The following KLC2 variants were observed in gnomAD, a reference collection of about 807,000 sequenced individuals.
The protein encoded by KLC2 is kinesin light chain 2.
A neutral mutation model predicts 75.1 loss-of-function variants in KLC2; 35 were observed. The ratio of observed to expected loss-of-function variants is 0.47; its 90% CI spans 0.36 to 0.62. KLC2 has a LOEUF of 0.62. Among genes scored for constraint, KLC2 ranks in the 20% least tolerant of loss-of-function variants. KLC2 has a pLI of 0.00. For missense variants in KLC2, 611 were observed against 833.2 expected (o/e 0.73, Z 3.28); for synonymous variants, 314 against 336.7 (o/e 0.93, Z 0.74).
intron 4 of KLC2, 35 bp downstream of exon 4, chr11:66,262,227 A>C (rs201422678): frequency 6.4e-7 from 1 of 1,565,034 alleles, no homozygotes; most frequent in African/African-American, 1.4e-5. Flanking sequence ...GGGGAAGGAA[A>C]GGTTGTGTGA....
upstream of KLC2, among the ~76,000 whole-genome samples, chr11:66,254,664 T>TAAAA (rs34541214): frequency 1.9e-5 from 2 of 107,846 alleles, no homozygotes; most frequent in African/African-American, 3.7e-5. Flanking sequence ...CCTCGGCTCT[T>TAAAA]AAAAAAAAAA....
intron 5 of KLC2, among the ~76,000 whole-genome samples, chr11:66,263,385 G>A (rs972179613): frequency 5.3e-5 from 8 of 152,244 alleles, no homozygotes; most frequent in African/African-American, 1.9e-4. Context: ...AGCAGGACAC[G>A]CTAAAGGGGC....
At chr11:66,244,235 C>G in the KLC2 span, 3 of 152,468 alleles carry the variant, frequency 2.0e-5, no homozygotes, top group African/African-American at 7.2e-5. Context: ...CATTCTGTTT[C>G]ATCTCCCATT....
intron 15 of KLC2, 108 bp from the exon 16 acceptor site, chr11:66,266,765 C>A: frequency 8.4e-7 from 1 of 1,186,210 alleles, no homozygotes; most frequent in Non-Finnish European, 1.3e-6. Flanking sequence ...ATTGCCTCTG[C>A]CCAGCTCAGG....
At chr11:66,246,751 C>T in the KLC2 span, among the ~76,000 whole-genome samples, 2 of 152,230 alleles carry the variant, frequency 1.3e-5, no homozygotes, top group African/African-American at 4.8e-5. Flanking sequence ...CACAATCCCA[C>T]CAAAAGTTTC....
At chr11:66,253,451 G>T (rs900079265), upstream of KLC2, among the ~76,000 whole-genome samples, 2 of 152,208 alleles carry the variant, frequency 1.3e-5, no homozygotes, top group African/African-American at 4.8e-5. Flanking sequence ...TTTCAGGGAG[G>T]AAACAGTAAT....
chr11:66,265,347 C>T, intron 11 of KLC2, 112 bp downstream of exon 11: 1 of 922,342 alleles, frequency 1.1e-6, no homozygotes, highest in Non-Finnish European at 1.7e-6. Flanking sequence ...CAAGGCCCAA[C>T]TCACAGGTCA....
chr11:66,263,782 C>T, intron 6 of KLC2, 35 bp downstream of exon 6: 1 of 1,602,650 alleles, frequency 6.2e-7, no homozygotes, highest in South Asian at 1.1e-5. Flanking sequence ...GGGGGCTGTG[C>T]CCCATCCCCT....
intron 9 of KLC2, 117 bp downstream of exon 9, chr11:66,264,561 C>G: frequency 1.3e-6 from 1 of 757,002 alleles, no homozygotes; most frequent in Non-Finnish European, 2.3e-6. Flanking sequence ...TGGCTGGTCA[C>G]CAGCCTCACC....
chr11:66,250,969 G>A, the KLC2 span, among the ~76,000 whole-genome samples: 15 of 152,210 alleles, frequency 9.9e-5, no homozygotes, highest in Non-Finnish European at 1.9e-4. Context: ...CTGGCGAAGG[G>A]ACCTAGGCAG....
At chr11:66,252,900 G>T (rs1392822714), upstream of KLC2, among the ~76,000 whole-genome samples, 3 of 152,058 alleles carry the variant, frequency 2.0e-5, no homozygotes, top group Non-Finnish European at 2.9e-5. Context: ...CCAACAACTA[G>T]TGGTGTCCAA....
chr11:66,258,281 C>G, intron 1 of KLC2: 1 of 395,238 alleles, frequency 2.5e-6, no homozygotes, highest in Non-Finnish European at 4.7e-6. Context: ...CCCCACGTTC[C>G]CCATACCTGT....
Position 66,265,781 on chromosome 11 carries a change from A to AG in KLC2, c.1443+23dup, listed in dbSNP as rs1856779391. ...GCAAGCAGGTGGGGCTCCATGCAGG[A>AG]GGGGGTGGGCAGACACCTGTGTGGC... On this transcript the variant is annotated intron_variant, in intron 12 of 15. Transcript: ENST00000394067. The AG allele has an allele frequency of 2.5e-6, 4 of 1,611,192 alleles. No individual in the cohort carries two copies. In the East Asian group the frequency reaches 8.9e-5, roughly 36 times the overall value.
At chr11:66,256,050 G>A (rs1030953197), upstream of KLC2, among the ~76,000 whole-genome samples, 2 of 152,072 alleles carry the variant, frequency 1.3e-5, no homozygotes, top group Non-Finnish European at 2.9e-5. Flanking sequence ...ACAGGTGTGA[G>A]CCACTGAGCC....
rs1318434879 is a variant in KLC2, at chr11:66,264,231, C to A, written c.1116+12C>A. The A allele has an allele frequency of 1.3e-6, 2 of 1,567,530 alleles. No homozygotes were observed. Among genetic ancestry groups the A allele is most frequent in the African/African-American group, 2.7e-5 (2 of 73,722 alleles). ...CCAAGAACAACCTGGTACCTTGGGG[C>A]TGAGAGGAGCTGGAGGATGGGAAGG... On this transcript the variant is annotated intron_variant, in intron 8 of 15. Coordinates refer to ENST00000394067, the MANE Select transcript of KLC2 (RefSeq NM_001318734.2).
At chr11:66,264,703 C>A in intron 9 of KLC2, 1 of 584,602 alleles carries the variant, frequency 1.7e-6, no homozygotes, top group Admixed American at 3.0e-5. Flanking sequence ...TTCTTGCTCA[C>A]CTTGAGGGCC....
At chr11:66,263,980 G>A (rs764946334) in intron 7 of KLC2, 28 bp downstream of exon 7, 60 of 1,611,810 alleles carry the variant, frequency 3.7e-5, no homozygotes, top group Middle Eastern at 1.6e-4. Context: ...TGGGCAGGCT[G>A]GGGGTCTGGG....
intron 1 of KLC2, 90 bp from the exon 2 acceptor site, chr11:66,258,494 G>C: frequency 1.2e-6 from 1 of 857,636 alleles, no homozygotes; most frequent in African/African-American, 1.7e-5. Context: ...AGACTCAGGC[G>C]TCCGGGGACC....
intron 8 of KLC2, 32 bp downstream of exon 8, chr11:66,264,251 G>C: frequency 6.4e-7 from 1 of 1,565,904 alleles, no homozygotes; most frequent in South Asian, 1.2e-5. Flanking sequence ...CTGGAGGATG[G>C]GAAGGAGGGA....
Sources: allele counts gnomAD v4.1 joint callset (sites outside exome capture counted in the v4.1 genomes callset), GRCh38; gene constraint gnomAD v4.1.1; transcripts MANE v1.5; gene names NCBI Gene and HGNC (gene_info 2026-07-23, HGNC 2026-07-21).